The following NALF1 variants were observed in gnomAD, a reference collection of about 807,000 sequenced individuals.
NALF1 encodes NALCN channel auxiliary factor 1.
A neutral mutation model predicts 48.4 loss-of-function variants in NALF1; 3 were observed. The ratio of observed to expected loss-of-function variants is 0.06; its 90% CI spans 0.03 to 0.16. The LOEUF (loss-of-function observed/expected upper bound fraction) is 0.16. Among genes scored for constraint, NALF1 ranks in the 10% least tolerant of loss-of-function variants. The pLI is 1.00. For synonymous variants in NALF1, 262 were observed against 245.7 expected (o/e 1.07, Z -0.62); for missense variants, 526 against 571.5 (o/e 0.92, Z 0.81).
At chr13:107,639,355 C>T (rs1265861070) in intron 1 of NALF1, among the ~76,000 whole-genome samples, 1 of 152,140 alleles carries the variant, frequency 6.6e-6, no homozygotes, top group Non-Finnish European at 1.5e-5. Context: ...CTTCCTTTCT[C>T]CCCGATGACC....
At chr13:107,735,086 T>A (rs1876427305) in intron 1 of NALF1, among the ~76,000 whole-genome samples, 1 of 151,932 alleles carries the variant, frequency 6.6e-6, no homozygotes, top group Admixed American at 6.6e-5. Flanking sequence ...CCAGGAAGCC[T>A]CGTGGGCTGA....
rs1227703748 is a variant in NALF1, at chr13:107,507,622, A to AGG, written c.916-296869_916-296868dup. ...AAAAAAAAAAAAAAAAAAAAAAAAAAGGGGCAAACACACCCAAGACAGTAG... is the reference window on the plus strand; with the variant it reads ...AAAAAAAAAAAAAAAAAAAAAAAAAAGGGGGGCAAACACACCCAAGACAGTAG... On this transcript the variant is annotated intron_variant, in intron 1 of 2. Coordinates refer to ENST00000375915, the MANE Select transcript of NALF1 (RefSeq NM_001080396.3). Among the ~76,000 whole-genome samples, 182 of 129,104 alleles carry AGG rather than the reference A, an allele frequency of 1.4e-3. 4 individuals carry two copies. The highest frequency in any genetic ancestry group is 4.7e-3 in the African/African-American group (166 of 35,322). The allele number at this position is 129,104 out of a possible 152,430, so 84.7% of individuals were successfully genotyped here.
chr13:107,801,113 C>A (rs1028513752), intron 1 of NALF1, among the ~76,000 whole-genome samples: 1 of 152,162 alleles, frequency 6.6e-6, no homozygotes, highest in African/African-American at 2.4e-5. Flanking sequence ...GATTTTTCTA[C>A]AGATCAATAC....
chr13:107,696,902 G>A (rs768448298), intron 1 of NALF1, among the ~76,000 whole-genome samples: 5 of 151,920 alleles, frequency 3.3e-5, no homozygotes, highest in South Asian at 4.2e-4. Flanking sequence ...ATTCTTACAC[G>A]TATCATTCCT....
intron 1 of NALF1, among the ~76,000 whole-genome samples, chr13:107,468,747 T>C (rs753108825): frequency 3.3e-5 from 5 of 152,304 alleles, no homozygotes; most frequent in Non-Finnish European, 2.9e-5. Flanking sequence ...CAAATAGTTA[T>C]AATAATGGGT....
chr13:107,326,560 A>G (rs1307297379), intron 1 of NALF1, among the ~76,000 whole-genome samples: 2 of 152,190 alleles, frequency 1.3e-5, no homozygotes, highest in Non-Finnish European at 2.9e-5. Context: ...CATAGCCAGT[A>G]GATTAGTCCA....
intron 1 of NALF1, among the ~76,000 whole-genome samples, chr13:107,622,193 C>G (rs1033460569): frequency 3.3e-5 from 5 of 151,918 alleles, no homozygotes; most frequent in African/African-American, 1.2e-4. Context: ...CTTTGGGAGG[C>G]CAAGGCGGGC....
chr13:107,171,682 A>G (rs1878807713), intron 2 of NALF1, among the ~76,000 whole-genome samples: 1 of 152,354 alleles, frequency 6.6e-6, no homozygotes, highest in Non-Finnish European at 1.5e-5. Flanking sequence ...TGTATCTACA[A>G]TCTTTCCAAT....
At chr13:107,379,739 A>T (rs1883398904) in intron 1 of NALF1, among the ~76,000 whole-genome samples, 1 of 152,218 alleles carries the variant, frequency 6.6e-6, no homozygotes, top group African/African-American at 2.4e-5. Context: ...ACTCTACTCC[A>T]GCCTGATCGC....
chr13:107,675,224 C>T (rs1004789579), intron 1 of NALF1, among the ~76,000 whole-genome samples: 2 of 152,204 alleles, frequency 1.3e-5, no homozygotes, highest in African/African-American at 2.4e-5. Flanking sequence ...TCTGCTCTTA[C>T]GTCCCTGGTA....
At chr13:107,263,995 G>A (rs983228706) in intron 1 of NALF1, among the ~76,000 whole-genome samples, 1 of 152,130 alleles carries the variant, frequency 6.6e-6, no homozygotes, top group Non-Finnish European at 1.5e-5. Context: ...ATGGAATTGT[G>A]GCCAGCTTTA....
rs886936584 is a variant in NALF1 at position 107,164,906 on chromosome 13, T to C, written c.*5591A>G. 6.6e-5 allele frequency: 10 copies of C among 152,168 alleles called. No homozygotes were observed. The highest frequency in any genetic ancestry group is 2.2e-4 in the African/African-American group (9 of 41,452). 9.4% of individuals were successfully genotyped at this position (152,168 alleles called of 1,614,324 possible). ...CCAGTTTCACTTTGTGAATGAATAG[T>C]CATGATAACTAACTACTACTGAGCA... On this transcript the variant is annotated 3_prime_UTR_variant, in exon 3 of 3. Coordinates refer to ENST00000375915, the MANE Select transcript of NALF1 (RefSeq NM_001080396.3).
chr13:107,526,256 T>C (rs1245098155), intron 1 of NALF1, among the ~76,000 whole-genome samples: 1 of 152,104 alleles, frequency 6.6e-6, no homozygotes, highest in African/African-American at 2.4e-5. Context: ...GATCTTAAGA[T>C]AGCTTGAATT....
At chr13:107,257,714 C>T (rs993202611) in intron 1 of NALF1, among the ~76,000 whole-genome samples, 1 of 152,126 alleles carries the variant, frequency 6.6e-6, no homozygotes, top group Non-Finnish European at 1.5e-5. Context: ...CAGAGCAAAC[C>T]ATTGCCTGTG....
chr13:107,220,896 G>A (rs1163252665), intron 1 of NALF1, among the ~76,000 whole-genome samples: 2 of 151,904 alleles, frequency 1.3e-5, no homozygotes, highest in East Asian at 3.9e-4. Context: ...GCAGAGCATG[G>A]GAGGAAGACA....
chr13:107,524,033 T>C (rs1288859434), intron 1 of NALF1, among the ~76,000 whole-genome samples: 2 of 152,136 alleles, frequency 1.3e-5, no homozygotes, highest in Non-Finnish European at 2.9e-5. Flanking sequence ...TTTCAACGTT[T>C]TGGCTGTAAA....
intron 1 of NALF1, among the ~76,000 whole-genome samples, chr13:107,635,465 G>A (rs990137054): frequency 2.0e-5 from 2 of 98,418 alleles, no homozygotes; most frequent in Non-Finnish European, 4.7e-5. Flanking sequence ...CCCCTCTCAT[G>A]ACATGCAGGG....
intron 1 of NALF1, among the ~76,000 whole-genome samples, chr13:107,368,522 T>G (rs922001112): frequency 2.0e-5 from 3 of 152,044 alleles, no homozygotes; most frequent in Non-Finnish European, 4.4e-5. Context: ...CTCCAGAGAC[T>G]CTGGGGGCAA....
intron 1 of NALF1, among the ~76,000 whole-genome samples, chr13:107,681,686 T>C (rs1881308269): frequency 6.6e-6 from 1 of 152,148 alleles, no homozygotes; most frequent in Admixed American, 6.5e-5. Context: ...CGCCGACATC[T>C]GGATCCTGCT....
Sources: gnomAD v4.1 joint callset for allele counts (sites outside exome capture counted in the v4.1 genomes callset) on GRCh38, gnomAD v4.1.1 for gene constraint, MANE v1.5 for transcripts, NCBI Gene and HGNC (gene_info 2026-07-23, HGNC 2026-07-21) for gene names.